IL19: variants seen among roughly 807,000 people sequenced by gnomAD.
The protein encoded by IL19 is interleukin-19.
Under a neutral mutation model 19.5 loss-of-function variants are expected in IL19, and 15 were observed. The observed-to-expected ratio is 0.77, with a 90% CI of 0.52 to 1.19. IL19 has a LOEUF of 1.19. Among genes scored for constraint, IL19 ranks in the 50% most tolerant of loss-of-function variants. The pLI is 0.00. For missense variants in IL19, 199 were observed against 213.1 expected (o/e 0.93, Z 0.41); for synonymous variants, 78 against 78.3 (o/e 1.00, Z 0.02).
Position 206,830,318 on chromosome 1 carries a change from C to A in IL19, c.-2-6343C>A, listed in dbSNP as rs551524533. On this transcript the variant is annotated intron_variant, in intron 2 of 6. Coordinates refer to ENST00000659997, the MANE Select transcript of IL19 (RefSeq NM_153758.5). ...TCCAAATATCACAATAAAGGAGAGC[C>A]AACCCCACTGAAAATGAGGAATAAA... Among the ~76,000 whole-genome samples, 6 of 151,898 alleles carry A rather than the reference C, an allele frequency of 4.0e-5. No homozygotes were observed. In the South Asian group the frequency reaches 8.3e-4, roughly 21 times the overall value.
At chr1:206,780,065 C>G (rs1047170749) in intron 1 of IL19, among the ~76,000 whole-genome samples, 3 of 152,174 alleles carry the variant, frequency 2.0e-5, no homozygotes, top group African/African-American at 7.2e-5. Flanking sequence ...TGTCTTCATC[C>G]TTCAGCTCTC....
intron 1 of IL19, among the ~76,000 whole-genome samples, chr1:206,787,453 G>A (rs1675293485): frequency 6.6e-6 from 1 of 152,248 alleles, no homozygotes; most frequent in Admixed American, 6.5e-5. Flanking sequence ...ATATATGCCA[G>A]AGATAGAGAG....
chr1:206,783,885 G>A (rs1237373577), intron 1 of IL19, among the ~76,000 whole-genome samples: 1 of 152,184 alleles, frequency 6.6e-6, no homozygotes, highest in East Asian at 1.9e-4. Flanking sequence ...TCGTAGTGTT[G>A]CAAGGGCGGA....
At chr1:206,822,457 T>C (rs758880579) in intron 2 of IL19, among the ~76,000 whole-genome samples, 3 of 152,332 alleles carry the variant, frequency 2.0e-5, no homozygotes, top group Middle Eastern at 3.4e-3. Context: ...CCTTTCCTGA[T>C]CCTCATAACC....
chr1:206,780,864 G>A (rs1558605958), intron 1 of IL19, among the ~76,000 whole-genome samples: 1 of 152,326 alleles, frequency 6.6e-6, no homozygotes, highest in East Asian at 1.9e-4. Context: ...TGAGGTTGTG[G>A]TGGTAAGAAG....
At chr1:206,800,378 A>T (rs1675651816) in intron 2 of IL19, among the ~76,000 whole-genome samples, 1 of 152,240 alleles carries the variant, frequency 6.6e-6, no homozygotes. Flanking sequence ...GTAGGGGGGA[A>T]GGTCACAGAT....
intron 2 of IL19, among the ~76,000 whole-genome samples, chr1:206,832,351 A>G (rs1676634225): frequency 6.6e-6 from 1 of 152,242 alleles, no homozygotes; most frequent in Admixed American, 6.5e-5. Flanking sequence ...AAAGGCTTTA[A>G]GTAGCTTTTC....
chr1:206,816,988 C>A (rs904620299), intron 2 of IL19, among the ~76,000 whole-genome samples: 1 of 152,070 alleles, frequency 6.6e-6, no homozygotes. Context: ...AGTAAGAAAC[C>A]AGTAACTAAC....
At chr1:206,805,495 C>T (rs1675826834) in intron 2 of IL19, among the ~76,000 whole-genome samples, 1 of 152,134 alleles carries the variant, frequency 6.6e-6, no homozygotes, top group Non-Finnish European at 1.5e-5. Flanking sequence ...AAAAAGGAAA[C>T]AATCCAAATG....
intron 1 of IL19, among the ~76,000 whole-genome samples, chr1:206,790,397 A>G (rs1199805625): frequency 6.6e-6 from 1 of 152,088 alleles, no homozygotes; most frequent in Non-Finnish European, 1.5e-5. Context: ...TGGCCTGCTT[A>G]TGGTCATTCC....
intron 3 of IL19, 33 bp from the exon 4 acceptor site, chr1:206,836,925 T>C (rs776423669): frequency 1.9e-6 from 3 of 1,605,730 alleles, no homozygotes; most frequent in Non-Finnish European, 2.6e-6. Context: ...GGATACCGAT[T>C]GCTTATGTCT....
intron 4 of IL19, 61 bp downstream of exon 4, chr1:206,837,084 T>C (rs1228701340): frequency 1.5e-6 from 2 of 1,342,800 alleles, no homozygotes; most frequent in East Asian, 2.3e-5. Flanking sequence ...GGCTCTGGGC[T>C]GAGAAAGAAA....
intron 2 of IL19, among the ~76,000 whole-genome samples, chr1:206,826,714 C>T (rs1004462542): frequency 2.0e-5 from 3 of 152,196 alleles, no homozygotes; most frequent in East Asian, 1.9e-4. Context: ...AAACCACATC[C>T]GATTTCCACA....
In IL19 at chr1:206,839,879, C is replaced by A. The variant is rs141660098; in HGVS notation, c.240C>A (p.Asn80Lys). ...TAGATGTGTGCTGCGTGACCAAGAA[C>A]CTCCTGGCGTTCTACGTGGACAGGG... ...KPLDVCCVTK[N>K]LLAFYVDRVF... The change falls in exon 5 of 7, where the codon AAC becomes AAA. Residue 80 changes from asparagine to lysine, a missense_variant. Coordinates refer to ENST00000659997, the MANE Select transcript of IL19 (RefSeq NM_153758.5). 3.7e-6 allele frequency: 6 copies of A among 1,614,028 alleles called. No individual in the cohort carries two copies. The South Asian group carries it at 6.6e-5, about 18-fold the overall frequency.
intron 1 of IL19, chr1:206,771,501 T>TA: frequency 1.5e-6 from 1 of 645,622 alleles, no homozygotes; most frequent in Non-Finnish European, 2.4e-6. Flanking sequence ...CATTTAGAGA[T>TA]TTTTTTTTTT....
chr1:206,779,239 T>C (rs1211224370), intron 1 of IL19, among the ~76,000 whole-genome samples: 1 of 152,226 alleles, frequency 6.6e-6, no homozygotes, highest in African/African-American at 2.4e-5. Context: ...AAGAAAATGC[T>C]AAACCATCAC....
chr1:206,808,152 G>A (rs1292742276), intron 2 of IL19, among the ~76,000 whole-genome samples: 4 of 152,168 alleles, frequency 2.6e-5, no homozygotes, highest in Non-Finnish European at 4.4e-5. Flanking sequence ...CCAACATGGC[G>A]AAACCCTGTC....
intron 1 of IL19, among the ~76,000 whole-genome samples, chr1:206,780,874 G>C (rs770545089): frequency 2.6e-5 from 4 of 152,210 alleles, no homozygotes; most frequent in Non-Finnish European, 5.9e-5. Context: ...GTGGTAAGAA[G>C]TTGAAAGTCT....
At chr1:206,814,555 A>C (rs1294438829) in intron 2 of IL19, among the ~76,000 whole-genome samples, 1 of 150,674 alleles carries the variant, frequency 6.6e-6, no homozygotes, top group Non-Finnish European at 1.5e-5. Flanking sequence ...TTAACCAGGC[A>C]TAGTGACGGC....
Sources: gnomAD v4.1 joint callset for allele counts (sites outside exome capture counted in the v4.1 genomes callset) on GRCh38, gnomAD v4.1.1 for gene constraint, MANE v1.5 for transcripts, NCBI Gene and HGNC (gene_info 2026-07-23, HGNC 2026-07-21) for gene names.